Variants in MFSD12 observed in about 807,000 individuals in gnomAD.
The protein encoded by MFSD12 is major facilitator superfamily domain containing 12.
In MFSD12, 67 loss-of-function variants were observed where a neutral mutation model predicts 51.2. The observed-to-expected ratio is 1.31, with a 90% CI of 1.08 to 1.60. The LOEUF (loss-of-function observed/expected upper bound fraction) is 1.60. MFSD12 is among the 40% of genes most tolerant of loss of function. The probability of loss-of-function intolerance (pLI) is 0.00; values close to 1 mark genes in which losing one functional copy is unlikely to be tolerated. For synonymous variants in MFSD12, 441 were observed against 316.7 expected (o/e 1.39, Z -4.17); for missense variants, 921 against 673.0 (o/e 1.37, Z -4.08).
intron 1 of MFSD12, among the ~76,000 whole-genome samples, chr19:3,555,202 G>A (rs1361926337): frequency 6.6e-6 from 1 of 152,118 alleles, no homozygotes; most frequent in East Asian, 1.9e-4. Context: ...TCTGCCTCCC[G>A]GGTTCAAACG....
chr19:3,557,478 G>A lies in MFSD12; in HGVS notation c.-75C>T, dbSNP rs1156368264. ...CTGGCCAGGCCTTCTTGGGTGCCGT[G>A]GGGGCAGGCGCCGGGGACCCCCACC... On this transcript the variant is annotated 5_prime_UTR_variant, in exon 1 of 10. Transcript: ENST00000355415. 11 of 970,698 alleles carry A rather than the reference G, an allele frequency of 1.1e-5. No homozygotes were observed. Among genetic ancestry groups the A allele is most frequent in the African/African-American group, 8.7e-5 (5 of 57,750 alleles). The allele number at this position is 970,698 out of a possible 1,614,324, so 60.1% of individuals were successfully genotyped here. A position where few individuals can be genotyped will look rare whatever the true frequency, so the allele number is the denominator to read the frequency against.
rs370978631 is a variant in MFSD12, at chr19:3,546,366, C to T, written c.1083G>A (p.Ala361=). The change falls in exon 7 of 10, where the codon GCG becomes GCA. Residue 361 remains alanine, a synonymous_variant. Coordinates refer to ENST00000355415, the MANE Select transcript of MFSD12 (RefSeq NM_174983.5). ...ILAFAAWVAL[A]EGLGVAVYAA... is the part of the protein sequence containing the mutation. Reference sequence around the variant, plus strand: ...CGTACACGGCCACACCCAGTCCCTCCGCCAGCGCCACCCAGGCGGCAAAGG... The same window carrying T: ...CGTACACGGCCACACCCAGTCCCTCTGCCAGCGCCACCCAGGCGGCAAAGG... The T allele has an allele frequency of 7.6e-5, 122 of 1,607,694 alleles. No individual in the cohort carries two copies. The highest frequency in any genetic ancestry group is 6.6e-4 in the Middle Eastern group (4 of 6,042).
Position 3,551,133 on chromosome 19 carries a change from CGCCCCACA to C in MFSD12, c.352_359del (p.Cys118GlyfsTer42). ...GGAGGGCAGCCCACTCGGGCGTGGC[CGCCCCACA>C]GCCCAGGCAGGGGCTGAAGATGAAG... On this transcript the variant is annotated frameshift_variant, in exon 2 of 10. Coordinates refer to ENST00000355415, the MANE Select transcript of MFSD12 (RefSeq NM_174983.5). LOFTEE classifies it high-confidence loss of function. The surrounding 1 kb of genome is among the most constrained non-coding windows in gnomAD (Gnocchi z 4.6). 6.2e-7 allele frequency: 1 copy of C among 1,612,880 alleles called. No individual in the cohort carries two copies. The highest frequency in any genetic ancestry group is 1.1e-5 in the South Asian group (1 of 91,046).
At position 3,544,712 on chromosome 19, in the gene MFSD12, A is replaced by G. The variant is rs895371255; in HGVS notation, c.1441T>C (p.Ter481ArgextTer75). Residue 481 changes from the stop codon to arginine, a stop_lost, in exon 10 of 10, where the codon TGA becomes CGA. Transcript: ENST00000355415. The stretch of plus-strand genomic sequence containing the variant: ...CAGGTGCAGGAGGCTGTCAGGAGTC[A>G]GGGCCGGGCATCACGGTCCCCTGCA... Reference protein sequence around the residue: ...LRRWDRDARP* With the variant: ...LRRWDRDARPR 7.7e-6 allele frequency: 12 copies of G among 1,558,546 alleles called. No homozygotes were observed. The highest frequency in any genetic ancestry group is 1.0e-5 in the Non-Finnish European group (12 of 1,148,986).
Position 3,544,932 on chromosome 19 carries a change from G to C in MFSD12, c.1297C>G (p.Leu433Val). The change falls in exon 9 of 10, where the codon CTC becomes GTC. Residue 433 changes from leucine (L) to valine (V), a missense_variant. Transcript: ENST00000355415. ...IQSLHPCPSE[L>V]CCRACVSFYH... The stretch of plus-strand genomic sequence containing the variant: ...AAGCTCACGCAGGCCCTGCAGCAGA[G>C]CTCTGAGCTGTGGGAGGAGGCGGGG... 3 of 1,607,944 alleles carry C rather than the reference G, an allele frequency of 1.9e-6. No homozygotes were observed. Among genetic ancestry groups the C allele is most frequent in the Non-Finnish European group, 2.5e-6 (3 of 1,178,340 alleles).
chr19:3,557,362 C>T lies in MFSD12; in HGVS notation c.42G>A (p.Pro14=), dbSNP rs372760377. ...GPPAAGAAPS[P]RPLSLVARLS... ...GCCGCGCCACCAGGGACAGCGGCCG[C>T]GGGGACGGCGCCGCTCCGGCCGCTG... Residue 14 remains proline (P), a synonymous_variant, in exon 1 of 10, where the codon CCG becomes CCA. Coordinates refer to ENST00000355415, the MANE Select transcript of MFSD12 (RefSeq NM_174983.5). 33 of 1,486,132 alleles carry T rather than the reference C, an allele frequency of 2.2e-5. No homozygotes were observed. The highest frequency in any genetic ancestry group is 1.5e-5 in the African/African-American group (1 of 68,498). The allele number at this position is 1,486,132 out of a possible 1,614,324, so 92.1% of individuals were successfully genotyped here.
Position 3,547,341 on chromosome 19 carries a change from CA to C in MFSD12, c.953del (p.Leu318ArgfsTer2). On this transcript the variant is annotated frameshift_variant, in exon 6 of 10. Coordinates refer to ENST00000355415, the MANE Select transcript of MFSD12 (RefSeq NM_174983.5). LOFTEE classifies it high-confidence loss of function. Reference protein sequence around the residue: ...LPKKFIATIPLVMYLSGFLSS... With the variant: ...LPKKFIATIPXVMYLSGFLSS... The stretch of plus-strand genomic sequence containing the variant: ...ACAAGAAGCCGCTGAGGTACATCAC[CA>C]GGGGAATGGTCGCGATGAACTTCTG... The C allele has an allele frequency of 1.2e-6, 2 of 1,613,338 alleles. No homozygotes were observed. The highest frequency in any genetic ancestry group is 1.7e-6 in the Non-Finnish European group (2 of 1,179,964).
At chr19:3,549,594 G>A (rs1479779078) in intron 2 of MFSD12, among the ~76,000 whole-genome samples, 2 of 151,798 alleles carry the variant, frequency 1.3e-5, no homozygotes, top group African/African-American at 4.8e-5. Context: ...GTGGTGGCGG[G>A]TGCCTGTAGT....
chr19:3,542,047 T>C, downstream of MFSD12: 1 of 745,850 alleles, frequency 1.3e-6, no homozygotes, highest in Non-Finnish European at 1.6e-6. Context: ...TGACCTCAGG[T>C]GATCTACCCA....
intron 8 of MFSD12, 43 bp downstream of exon 8, chr19:3,546,031 T>C (rs1217778852): frequency 2.5e-6 from 4 of 1,602,220 alleles, no homozygotes; most frequent in East Asian, 2.2e-5. Flanking sequence ...CTTAATCCCC[T>C]CTTACTGAAC....
chr19:3,549,234 G>A (rs1241968651), intron 2 of MFSD12, among the ~76,000 whole-genome samples: 1 of 152,166 alleles, frequency 6.6e-6, no homozygotes, highest in South Asian at 2.1e-4. Flanking sequence ...GTACCCAGGT[G>A]TAATAGAAAG....
downstream of MFSD12, chr19:3,543,257 G>C: frequency 1.3e-6 from 2 of 1,546,384 alleles, no homozygotes; most frequent in Non-Finnish European, 8.7e-7. Flanking sequence ...GTCCCTGGAG[G>C]GTTCCCGCTG....
chr19:3,546,158 G>T lies in MFSD12; in HGVS notation c.1205C>A (p.Ala402Glu). 6.2e-7 allele frequency: 1 copy of T among 1,613,026 alleles called. No homozygotes were observed. The highest frequency in any genetic ancestry group is 1.1e-5 in the South Asian group (1 of 91,082). Residue 402 changes from alanine to glutamate, a missense_variant, in exon 8 of 10, where the codon GCG (alanine) becomes GAG (glutamate). By Grantham distance (107) the Ala-to-Glu change is moderately radical. Coordinates refer to ENST00000355415, the MANE Select transcript of MFSD12 (RefSeq NM_174983.5). ...GAAGCTCATGGAGCCGTACACGAAC[G>T]CTCCGCTGTTCTGTGGAGACACAGG... is the stretch of plus-strand genomic sequence containing the variant. ...DLIGPHTNSGAFVYGSMSFLD... is the reference protein window; with the variant it reads ...DLIGPHTNSGEFVYGSMSFLD...
chr19:3,543,779 G>A (rs899561676), downstream of MFSD12: 7 of 1,491,936 alleles, frequency 4.7e-6, no homozygotes, highest in Non-Finnish European at 6.3e-6. Flanking sequence ...CCCCTTGCTG[G>A]CCAACGGCGA....
rs1398655384 is a variant in MFSD12, at chr19:3,551,135, C to T, written c.358G>A (p.Ala120Thr). ...FIFSPCLGCG[A>T]ATPEWAALLY... is the part of the protein sequence containing the mutation. ...AGGGCAGCCCACTCGGGCGTGGCCGCCCCACAGCCCAGGCAGGGGCTGAAG... is the reference window on the plus strand; with the variant it reads ...AGGGCAGCCCACTCGGGCGTGGCCGTCCCACAGCCCAGGCAGGGGCTGAAG... Residue 120 changes from alanine to threonine, a missense_variant, in exon 2 of 10, where the codon GCG becomes ACG. By Grantham distance (58) the Ala-to-Thr change is moderately conservative (BLOSUM62 0). Transcript: ENST00000355415. The surrounding 1 kb of genome is among the most constrained non-coding windows in gnomAD (Gnocchi z 4.6). 2 of 1,612,872 alleles carry T rather than the reference C, an allele frequency of 1.2e-6. No individual in the cohort carries two copies. The highest frequency in any genetic ancestry group is 1.3e-5 in the African/African-American group (1 of 75,058).
At chr19:3,539,286 C>T, downstream of MFSD12, 4 of 1,387,758 alleles carry the variant, frequency 2.9e-6, no homozygotes, top group Non-Finnish European at 4.0e-6. Flanking sequence ...CAGGTGAGCC[C>T]CTCCCAGCCC....
chr19:3,543,922 C>G, downstream of MFSD12: 2 of 1,551,264 alleles, frequency 1.3e-6, no homozygotes, highest in South Asian at 2.4e-5. Context: ...CCCGGCACCA[C>G]CCAGAACTAC....
downstream of MFSD12, chr19:3,541,840 G>C (rs138904998): frequency 4.2e-5 from 41 of 965,068 alleles, no homozygotes; most frequent in African/African-American, 6.9e-4. Flanking sequence ...ACAGAGTCTC[G>C]CTCTCTCACC....
At chr19:3,543,237 A>T, downstream of MFSD12, 1 of 1,543,136 alleles carries the variant, frequency 6.5e-7, no homozygotes, top group Non-Finnish European at 8.7e-7. Context: ...ACCCTCAGCG[A>T]TGACTACCTG....
Sources: gnomAD v4.1 joint callset for allele counts (sites outside exome capture counted in the v4.1 genomes callset) on GRCh38, gnomAD v4.1.1 for gene constraint, Gnocchi (gnomAD v3.1) non-coding constraint, MANE v1.5 for transcripts, NCBI Gene and HGNC (gene_info 2026-07-23, HGNC 2026-07-21) for gene names.